The following CC2D2B variants were observed in gnomAD, a reference collection of about 807,000 sequenced individuals.
CC2D2B encodes the protein protein CC2D2B.
In CC2D2B, 128 loss-of-function variants were observed where a neutral mutation model predicts 161.2. The observed-to-expected ratio is 0.79, with a 90% CI of 0.69 to 0.92. The LOEUF is 0.92. Among genes scored for constraint, CC2D2B ranks in the 40% least tolerant of loss-of-function variants. The pLI, the probability that CC2D2B is intolerant of heterozygous loss-of-function variation, is 0.00. For missense variants in CC2D2B, 1,173 were observed against 1,375.1 expected (o/e 0.85, Z 2.32); for synonymous variants, 391 against 449.8 (o/e 0.87, Z 1.65).
intron 6 of CC2D2B, among the ~76,000 whole-genome samples, chr10:95,932,585 A>C (rs2075647182): frequency 6.6e-6 from 1 of 152,134 alleles, no homozygotes; most frequent in Non-Finnish European, 1.5e-5. Context: ...GTGGTAACAA[A>C]ATCTCTCAGC....
intron 24 of CC2D2B, chr10:95,999,628 G>C (rs1328366959): frequency 6.2e-6 from 1 of 160,112 alleles, no homozygotes; most frequent in Non-Finnish European, 1.4e-5. Context: ...AATTTGACTA[G>C]TAAAGACATT....
intron 32 of CC2D2B, chr10:96,021,573 A>G (rs750878585): frequency 1.3e-5 from 2 of 152,252 alleles, no homozygotes; most frequent in African/African-American, 2.4e-5. Flanking sequence ...GCATATCTAC[A>G]TGAAAGAATA....
rs2077232014 is a variant in CC2D2B, at chr10:95,973,992, A to G, written c.1796-17A>G. On this transcript the variant is annotated splice_polypyrimidine_tract_variant and intron_variant, in intron 16 of 34. Coordinates refer to ENST00000646931, the MANE Select transcript of CC2D2B (RefSeq NM_001349008.3). Reference sequence around the variant, plus strand: ...ACTTAAAACAATTCATATGTTTTTAATGCCTTTTATAAACAGATGTGCCTT... The same window carrying G: ...ACTTAAAACAATTCATATGTTTTTAGTGCCTTTTATAAACAGATGTGCCTT... The G allele has an allele frequency of 3.3e-6, 4 of 1,226,276 alleles. No individual in the cohort carries two copies. Among genetic ancestry groups the G allele is most frequent in the Non-Finnish European group, 4.1e-6 (4 of 982,756 alleles). 76.0% of individuals were successfully genotyped at this position (1,226,276 alleles called of 1,614,324 possible).
intron 16 of CC2D2B, 49 bp downstream of exon 16, chr10:95,972,265 C>T: frequency 8.6e-7 from 1 of 1,159,656 alleles, no homozygotes; most frequent in Non-Finnish European, 1.1e-6. Flanking sequence ...TCCTGAGTAC[C>T]ATATTCCTAA....
At chr10:95,947,103 ATATATATATATT>A (rs1227896545) in intron 9 of CC2D2B, among the ~76,000 whole-genome samples, 1 of 44,342 alleles carries the variant, frequency 2.3e-5, no homozygotes, top group Non-Finnish European at 4.2e-5. Context: ...ATATATATAT[ATATATATATATT>A]TTTTTTTTTT....
intron 32 of CC2D2B, chr10:96,020,430 A>T (rs555840634): frequency 6.6e-6 from 1 of 152,528 alleles, no homozygotes; most frequent in Admixed American, 6.5e-5. Flanking sequence ...AGGGTACAGG[A>T]GACCAAGAAG....
chr10:96,009,167 C>T (rs2078881937), intron 25 of CC2D2B, among the ~76,000 whole-genome samples: 1 of 151,708 alleles, frequency 6.6e-6, no homozygotes, highest in Admixed American at 6.6e-5. Context: ...TAAGCTGTGT[C>T]TTTATATTTA....
At chr10:95,928,075 C>T (rs1164239320) in intron 6 of CC2D2B, among the ~76,000 whole-genome samples, 3 of 152,162 alleles carry the variant, frequency 2.0e-5, no homozygotes, top group African/African-American at 7.2e-5. Flanking sequence ...TTTGACACCT[C>T]TTGGTCCCTC....
chr10:96,017,215 C>T (rs1043420486), intron 30 of CC2D2B, among the ~76,000 whole-genome samples: 2 of 152,196 alleles, frequency 1.3e-5, no homozygotes, highest in Non-Finnish European at 2.9e-5. Context: ...CTGTTTCTAG[C>T]CCTACCATGA....
intron 11 of CC2D2B, among the ~76,000 whole-genome samples, chr10:95,956,630 G>C (rs2076576212): frequency 6.6e-6 from 1 of 152,138 alleles, no homozygotes; most frequent in Non-Finnish European, 1.5e-5. Context: ...TGTACTAGCA[G>C]AGAACCTGTC....
At chr10:95,964,229 G>A (rs180834835) in intron 12 of CC2D2B, among the ~76,000 whole-genome samples, 127 of 152,276 alleles carry the variant, frequency 8.3e-4, no homozygotes, top group African/African-American at 2.9e-3. Context: ...TAGAAAGGAG[G>A]AAGCTATAGA....
At chr10:96,027,493 C>T (rs1412627932) in intron 34 of CC2D2B, 104 bp downstream of exon 34, 3 of 751,090 alleles carry the variant, frequency 4.0e-6, no homozygotes, top group African/African-American at 3.6e-5. Context: ...TTATCTTGAT[C>T]CTTAAAGATA....
chr10:95,965,079 A>G (rs2076893505), intron 12 of CC2D2B, among the ~76,000 whole-genome samples: 2 of 152,148 alleles, frequency 1.3e-5, no homozygotes, highest in African/African-American at 4.8e-5. Context: ...ACCATTTTAC[A>G]TTCCCAACAG....
At chr10:96,001,819 T>G (rs1590830423) in intron 24 of CC2D2B, among the ~76,000 whole-genome samples, 1 of 152,364 alleles carries the variant, frequency 6.6e-6, no homozygotes, top group South Asian at 2.1e-4. Context: ...ACAGATATTC[T>G]TGTTATTTGG....
chr10:95,971,951 A>G (rs960412563), intron 15 of CC2D2B, 115 bp from the exon 16 acceptor site: 1 of 490,552 alleles, frequency 2.0e-6, no homozygotes, highest in Non-Finnish European at 3.2e-6. Context: ...GCTATAGAGC[A>G]ATACTTATTT....
chr10:96,008,168 CTT>C (rs56354333), intron 25 of CC2D2B, among the ~76,000 whole-genome samples: 7 of 130,392 alleles, frequency 5.4e-5, no homozygotes, highest in Non-Finnish European at 9.6e-5. Context: ...GGTATGTGTT[CTT>C]TTTTTTTTTT....
chr10:96,023,250 A>C (rs1052116529), intron 32 of CC2D2B, among the ~76,000 whole-genome samples: 31 of 152,216 alleles, frequency 2.0e-4, no homozygotes, highest in African/African-American at 7.2e-4. Context: ...TTGTATCTCT[A>C]CTTCTTTCCT....
chr10:95,981,758 T>C (rs960776660), intron 17 of CC2D2B, among the ~76,000 whole-genome samples: 1 of 152,198 alleles, frequency 6.6e-6, no homozygotes, highest in Non-Finnish European at 1.5e-5. Context: ...TTGTCTCTTA[T>C]AAACATTTAT....
intron 11 of CC2D2B, among the ~76,000 whole-genome samples, chr10:95,957,867 TAA>T (rs563090307): frequency 7.0e-6 from 1 of 141,954 alleles, no homozygotes; most frequent in Admixed American, 7.1e-5. Context: ...GGCCATGATT[TAA>T]AAAAAAAAAA....
Sources: allele counts gnomAD v4.1 joint callset (sites outside exome capture counted in the v4.1 genomes callset), GRCh38; gene constraint gnomAD v4.1.1; transcripts MANE v1.5; gene names NCBI Gene and HGNC (gene_info 2026-07-23, HGNC 2026-07-21).